The following OSBPL1A variants were observed in gnomAD, a reference collection of about 807,000 sequenced individuals.
OSBPL1A encodes oxysterol binding protein like 1A.
A neutral mutation model predicts 137.1 loss-of-function variants in OSBPL1A; 80 were observed. The ratio of observed to expected loss-of-function variants is 0.58; its 90% CI spans 0.49 to 0.70. OSBPL1A has a LOEUF of 0.70. OSBPL1A is among the 30% of genes least tolerant of loss of function. The pLI is 0.00. For missense variants in OSBPL1A, 970 were observed against 1,129.4 expected (o/e 0.86, Z 2.02); for synonymous variants, 365 against 389.7 (o/e 0.94, Z 0.75).
At chr18:24,168,922 G>A (rs1338583128) in intron 24 of OSBPL1A, among the ~76,000 whole-genome samples, 1 of 152,230 alleles carries the variant, frequency 6.6e-6, no homozygotes, top group African/African-American at 2.4e-5. Flanking sequence ...TCAGCCATCC[G>A]CACTCTGTGA....
chr18:24,240,144 G>C (rs1376620924), intron 15 of OSBPL1A, among the ~76,000 whole-genome samples: 1 of 152,020 alleles, frequency 6.6e-6, no homozygotes, highest in Non-Finnish European at 1.5e-5. Context: ...GGCTGGTCTT[G>C]AACTCAGCCC....
At chr18:24,323,332 C>CAA in intron 7 of OSBPL1A, among the ~76,000 whole-genome samples, 1 of 150,254 alleles carries the variant, frequency 6.7e-6, no homozygotes, top group Middle Eastern at 3.4e-3. Flanking sequence ...GTGGGTGGAT[C>CAA]GCTTGATGCC....
chr18:24,389,941 CA>C, intron 1 of OSBPL1A, among the ~76,000 whole-genome samples: 1 of 150,772 alleles, frequency 6.6e-6, no homozygotes, highest in Non-Finnish European at 1.5e-5. Context: ...GACTCTGTCT[CA>C]AAAAAATAAA....
chr18:24,348,767 G>A (rs2091388771), intron 4 of OSBPL1A, among the ~76,000 whole-genome samples: 1 of 151,700 alleles, frequency 6.6e-6, no homozygotes, highest in Non-Finnish European at 1.5e-5. Flanking sequence ...GACTGAGACT[G>A]TCTCAAAAAA....
Position 24,331,265 on chromosome 18 carries a change from G to T in OSBPL1A, c.625+1677C>A, listed in dbSNP as rs79727160. Among the ~76,000 whole-genome samples, 615 of 152,292 alleles carry T rather than the reference G, an allele frequency of 4.0e-3. 3 individuals are homozygous for T. Among genetic ancestry groups the T allele is most frequent in the African/African-American group, 0.014 (570 of 41,560 alleles). ...ATCATAAGCCAACAAATACCATGGG[G>T]TGTGATTTAGGCTCTGATGGAGGTG... On this transcript the variant is annotated intron_variant, in intron 7 of 27. Coordinates refer to ENST00000319481, the MANE Select transcript of OSBPL1A (RefSeq NM_080597.4).
At chr18:24,343,345 A>G (rs2091299665) in intron 4 of OSBPL1A, among the ~76,000 whole-genome samples, 1 of 152,210 alleles carries the variant, frequency 6.6e-6, no homozygotes, top group Non-Finnish European at 1.5e-5. Flanking sequence ...ATAAATGGGA[A>G]AACATCCAGC....
chr18:24,169,483 T>C (rs561013820), intron 24 of OSBPL1A, among the ~76,000 whole-genome samples: 47 of 152,378 alleles, frequency 3.1e-4, no homozygotes, highest in Non-Finnish European at 5.4e-4. Context: ...GTCTTTACTA[T>C]GAGCAGATAC....
At chr18:24,244,165 G>A (rs888671630) in intron 15 of OSBPL1A, among the ~76,000 whole-genome samples, 1 of 152,178 alleles carries the variant, frequency 6.6e-6, no homozygotes, top group Non-Finnish European at 1.5e-5. Context: ...AAACTATGGT[G>A]TAACAGAAAC....
intron 2 of OSBPL1A, among the ~76,000 whole-genome samples, chr18:24,374,852 G>A (rs1234490308): frequency 6.6e-6 from 1 of 152,084 alleles, no homozygotes; most frequent in East Asian, 1.9e-4. Context: ...CAATGCTTAA[G>A]GAGCACCAGG....
intron 18 of OSBPL1A, among the ~76,000 whole-genome samples, chr18:24,192,145 G>T (rs1164958216): frequency 6.6e-6 from 1 of 152,138 alleles, no homozygotes; most frequent in Non-Finnish European, 1.5e-5. Context: ...GCACGCACAT[G>T]GCCTTGAGCT....
intron 14 of OSBPL1A, among the ~76,000 whole-genome samples, chr18:24,284,912 C>T (rs73392271): frequency 0.024 from 3,674 of 152,254 alleles, 138 homozygotes; most frequent in African/African-American, 0.084. Flanking sequence ...CCTTAAATAT[C>T]ACTGTGGAGA....
chr18:24,299,732 G>A (rs1486171930), intron 14 of OSBPL1A, among the ~76,000 whole-genome samples: 1 of 152,154 alleles, frequency 6.6e-6, no homozygotes, highest in East Asian at 1.9e-4. Context: ...TTTTAGATAA[G>A]TGAAGTCCTT....
intron 15 of OSBPL1A, among the ~76,000 whole-genome samples, chr18:24,279,299 C>T (rs1209464947): frequency 1.3e-5 from 2 of 149,150 alleles, no homozygotes; most frequent in Non-Finnish European, 3.0e-5. Flanking sequence ...CATCATGGTG[C>T]ATGCCAGTAG....
intron 13 of OSBPL1A, among the ~76,000 whole-genome samples, chr18:24,310,371 A>G (rs1158231337): frequency 1.3e-5 from 2 of 149,402 alleles, no homozygotes; most frequent in Admixed American, 1.3e-4. Flanking sequence ...GGTGGATCAC[A>G]AGGTCAGGAG....
At chr18:24,214,558 C>T (rs1057426034) in intron 17 of OSBPL1A, among the ~76,000 whole-genome samples, 2 of 152,180 alleles carry the variant, frequency 1.3e-5, no homozygotes, top group African/African-American at 2.4e-5. Context: ...TGAACACCTC[C>T]AGTTGGATTA....
intron 17 of OSBPL1A, among the ~76,000 whole-genome samples, chr18:24,204,786 T>C (rs936813893): frequency 6.6e-6 from 1 of 152,050 alleles, no homozygotes; most frequent in Non-Finnish European, 1.5e-5. Context: ...ACAGAGGAGC[T>C]CTCTCTCCAA....
At position 24,397,644 on chromosome 18, in the gene OSBPL1A, G is replaced by A. The variant is rs1907854714; in HGVS notation, c.-3+11C>T. On this transcript the variant is annotated intron_variant, in intron 1 of 27. Coordinates refer to ENST00000319481, the MANE Select transcript of OSBPL1A (RefSeq NM_080597.4). The stretch of plus-strand genomic sequence containing the variant: ...TCGAACTCCAGGCGTGGACAGCCGC[G>A]AGAAACTGACCTACGCGGTCACCCG... The A allele has an allele frequency of 6.6e-6, 1 of 152,230 alleles. No homozygotes were observed. Among genetic ancestry groups the A allele is most frequent in the South Asian group, 2.1e-4 (1 of 4,836 alleles). The allele number at this position is 152,230 out of a possible 1,614,324, so 9.4% of individuals were successfully genotyped here. A position where few individuals can be genotyped will look rare whatever the true frequency, so the allele number is the denominator to read the frequency against.
At chr18:24,265,687 G>A (rs1325461197) in intron 15 of OSBPL1A, among the ~76,000 whole-genome samples, 2 of 152,138 alleles carry the variant, frequency 1.3e-5, no homozygotes, top group Non-Finnish European at 2.9e-5. Flanking sequence ...AACAGCTGAC[G>A]TCACCAGAGC....
At chr18:24,308,685 G>A (rs763983897) in intron 13 of OSBPL1A, among the ~76,000 whole-genome samples, 16 of 152,200 alleles carry the variant, frequency 1.1e-4, no homozygotes, top group Non-Finnish European at 1.9e-4. Flanking sequence ...CTATATCTTC[G>A]CTGTCCGTTG....
Sources: allele counts gnomAD v4.1 joint callset (sites outside exome capture counted in the v4.1 genomes callset), GRCh38; gene constraint gnomAD v4.1.1; transcripts MANE v1.5; gene names NCBI Gene and HGNC (gene_info 2026-07-23, HGNC 2026-07-21).